WLS: variants seen among roughly 807,000 people sequenced by gnomAD.
WLS encodes Wnt ligand secretion mediator.
In WLS, 23 loss-of-function variants were observed where a neutral mutation model predicts 62.8. That is an observed-to-expected ratio of 0.37 (90% confidence interval 0.26 to 0.52). The LOEUF is 0.52. Ranked by LOEUF, WLS falls within the 20% of genes least tolerant of loss-of-function variation. WLS has a pLI of 0.92. For synonymous variants in WLS, 246 were observed against 244.1 expected, an observed-to-expected ratio of 1.01 and a Z score of -0.07; for missense variants, 615 against 697.3, an observed-to-expected ratio of 0.88 and a Z score of 1.33.
chr1:68,231,571 C>T (rs1333673138), intron 1 of WLS: 3 of 292,520 alleles, frequency 1.0e-5, no homozygotes, highest in East Asian at 1.0e-4. Context: ...CCCAACCTCC[C>T]GGCCGACAAT....
intron 11 of WLS, among the ~76,000 whole-genome samples, chr1:68,102,210 T>C (rs920404539): frequency 1.3e-5 from 2 of 152,026 alleles, no homozygotes; most frequent in African/African-American, 2.4e-5. Context: ...AACAGGACTT[T>C]CTGTCCTCTG....
intron 2 of WLS, among the ~76,000 whole-genome samples, chr1:68,190,808 A>G (rs1648248823): frequency 6.6e-6 from 1 of 152,212 alleles, no homozygotes; most frequent in Admixed American, 6.5e-5. Context: ...CTGTAATCCC[A>G]GCACTTTGGG....
rs761676326 is a variant in WLS, at chr1:68,214,199, A to ACACACACACACACACACACG, written c.106+17994_106+17995insCGTGTGTGTGTGTGTGTGTG. On this transcript the variant is annotated intron_variant, in intron 1 of 11. Transcript: ENST00000262348. ...GATCTCTGAACACACACACACACAC[A>ACACACACACACACACACACG]CACACACACACCCCATTTCCAATAC... is the stretch of plus-strand genomic sequence containing the variant. Among the ~76,000 whole-genome samples, 56 of 151,950 alleles carry ACACACACACACACACACACG rather than the reference A, an allele frequency of 3.7e-4. No homozygotes were observed. In the Middle Eastern group the frequency reaches 0.01, roughly 28 times the overall value.
intron 1 of WLS, among the ~76,000 whole-genome samples, chr1:68,230,157 A>T (rs996910748): frequency 6.6e-6 from 1 of 152,112 alleles, no homozygotes; most frequent in Non-Finnish European, 1.5e-5. Flanking sequence ...TAGGAAGCCT[A>T]CTTCTTGGAT....
chr1:68,204,501 G>T (rs1470571046), intron 1 of WLS, among the ~76,000 whole-genome samples: 2 of 152,034 alleles, frequency 1.3e-5, no homozygotes, highest in South Asian at 2.1e-4. Flanking sequence ...TAGAGACGGG[G>T]CTTCACCGTA....
chr1:68,158,960 G>A (rs1329552061), intron 3 of WLS, among the ~76,000 whole-genome samples, 163 bp downstream of exon 3: 1 of 152,194 alleles, frequency 6.6e-6, no homozygotes, highest in African/African-American at 2.4e-5. Flanking sequence ...AGTTAGGAAA[G>A]GCCCGTGGCA....
At chr1:68,101,268 C>T (rs796352124) in intron 11 of WLS, among the ~76,000 whole-genome samples, 8 of 152,210 alleles carry the variant, frequency 5.3e-5, no homozygotes, top group African/African-American at 1.9e-4. Flanking sequence ...TAGCACCATG[C>T]CTGGCAGAGA....
At chr1:68,155,584 C>T (rs940194841) in intron 3 of WLS, among the ~76,000 whole-genome samples, 11 of 152,276 alleles carry the variant, frequency 7.2e-5, no homozygotes, top group South Asian at 6.2e-4. Context: ...TCGCATCTTA[C>T]GAATCTTGTC....
At chr1:68,129,740 C>T (rs1252234231) in intron 11 of WLS, among the ~76,000 whole-genome samples, 2 of 152,174 alleles carry the variant, frequency 1.3e-5, no homozygotes, top group Admixed American at 6.6e-5. Flanking sequence ...AGGTCTTGCT[C>T]CATCTGTTAG....
At chr1:68,206,820 A>G (rs1449650396) in intron 1 of WLS, among the ~76,000 whole-genome samples, 2 of 152,222 alleles carry the variant, frequency 1.3e-5, no homozygotes, top group African/African-American at 2.4e-5. Context: ...TCTAAAAAGA[A>G]TGTATGTACT....
intron 11 of WLS, among the ~76,000 whole-genome samples, chr1:68,130,834 G>T (rs544088127): frequency 1.3e-4 from 19 of 147,338 alleles, no homozygotes; most frequent in African/African-American, 4.2e-4. Context: ...AACATAGAAA[G>T]ATCTTAACCA....
chr1:68,152,750 G>T (rs1158694629), intron 5 of WLS, among the ~76,000 whole-genome samples: 1 of 152,130 alleles, frequency 6.6e-6, no homozygotes, highest in Non-Finnish European at 1.5e-5. Context: ...AGGGGGAAGT[G>T]GGAAATGGGA....
intron 3 of WLS, among the ~76,000 whole-genome samples, chr1:68,156,074 T>C (rs1248370840): frequency 6.6e-6 from 1 of 152,094 alleles, no homozygotes; most frequent in Non-Finnish European, 1.5e-5. Flanking sequence ...ACCTTTTTTT[T>C]GAAAACTAAA....
intron 1 of WLS, chr1:68,228,157 A>C (rs960876210): frequency 2.6e-6 from 1 of 389,678 alleles, no homozygotes; most frequent in African/African-American, 2.1e-5. Flanking sequence ...CACATAAGTT[A>C]CCTTTTGGAA....
intron 11 of WLS, chr1:68,099,682 A>G (rs1166257121): frequency 3.3e-5 from 5 of 152,248 alleles, no homozygotes; most frequent in East Asian, 1.9e-4. Context: ...TTGTTATACT[A>G]TATTTTTTCA....
chr1:68,221,815 A>T (rs1200744238), intron 1 of WLS, among the ~76,000 whole-genome samples: 3 of 152,228 alleles, frequency 2.0e-5, no homozygotes, highest in Non-Finnish European at 4.4e-5. Context: ...AAATGAAAAG[A>T]CAGAGGAGGA....
At chr1:68,232,164 G>A (rs776636858) in intron 1 of WLS, 30 bp downstream of exon 1, 14 of 1,613,472 alleles carry the variant, frequency 8.7e-6, no homozygotes, top group African/African-American at 1.3e-5. Context: ...AGACAGAAAG[G>A]GGGAAAAGTT....
At chr1:68,169,106 T>C (rs1161229392) in intron 2 of WLS, among the ~76,000 whole-genome samples, 1 of 152,236 alleles carries the variant, frequency 6.6e-6, no homozygotes, top group East Asian at 1.9e-4. Context: ...CAGAGAATTA[T>C]CTTCCACATG....
At chr1:68,112,581 T>C (rs902446236) in intron 11 of WLS, among the ~76,000 whole-genome samples, 1 of 152,216 alleles carries the variant, frequency 6.6e-6, no homozygotes, top group Admixed American at 6.5e-5. Flanking sequence ...CTCCACACTC[T>C]CATACTCTTC....
Sources: gnomAD v4.1 joint callset for allele counts (sites outside exome capture counted in the v4.1 genomes callset) on GRCh38, gnomAD v4.1.1 for gene constraint, MANE v1.5 for transcripts, NCBI Gene and HGNC (gene_info 2026-07-23, HGNC 2026-07-21) for gene names.